Variants in DSG2 observed in about 807,000 individuals in gnomAD.
DSG2 encodes desmoglein 2.
Under a neutral mutation model 75.6 loss-of-function variants are expected in DSG2, and 45 were observed. That is an observed-to-expected ratio of 0.60 (90% CI 0.47 to 0.76). DSG2 has a LOEUF of 0.76. Among genes scored for constraint, DSG2 ranks in the 30% least tolerant of loss-of-function variants. The pLI is 0.00. For missense variants in DSG2, 1,267 were observed against 1,357.4 expected (o/e 0.93, Z 1.05); for synonymous variants, 429 against 483.9 (o/e 0.89, Z 1.49).
intron 14 of DSG2, among the ~76,000 whole-genome samples, chr18:31,545,419 T>C (rs1416407984): frequency 1.3e-5 from 2 of 152,186 alleles, no homozygotes. Flanking sequence ...ACACTATCTT[T>C]TACAGCAATT....
chr18:31,547,331 GTGCACA>G lies in DSG2; in HGVS notation c.*591_*596del, dbSNP rs2073320562. 1 of 188,858 alleles carries G rather than the reference GTGCACA, an allele frequency of 5.3e-6. No homozygotes were observed. The highest frequency in any genetic ancestry group is 1.1e-5 in the Non-Finnish European group (1 of 90,996). The allele number at this position is 188,858 out of a possible 1,614,324, so 11.7% of individuals were successfully genotyped here. The stretch of plus-strand genomic sequence containing the variant: ...ATAAGAATACACATTGTATGTTTCT[GTGCACA>G]TGACAGTGTGTGTGTGTGCACGTAC... On this transcript the variant is annotated 3_prime_UTR_variant, in exon 15 of 15. Coordinates refer to ENST00000261590, the MANE Select transcript of DSG2 (RefSeq NM_001943.5).
chr18:31,531,354 G>A, intron 9 of DSG2, 102 bp downstream of exon 9: 1 of 1,375,642 alleles, frequency 7.3e-7, no homozygotes. Flanking sequence ...TTCAAATCCA[G>A]CATTATAGTT....
chr18:31,546,616 C>T lies in DSG2; in HGVS notation c.3230C>T (p.Ser1077Phe), dbSNP rs962653351. 2 of 1,614,208 alleles carry T rather than the reference C, an allele frequency of 1.2e-6. No individual in the cohort carries two copies. The highest frequency in any genetic ancestry group is 1.7e-6 in the Non-Finnish European group (2 of 1,180,032). The change falls in exon 15 of 15, where the codon TCT becomes TTT. Residue 1077 changes from serine to phenylalanine, a missense_variant. Ser to Phe is a radical substitution (Grantham distance 155). Coordinates refer to ENST00000261590, the MANE Select transcript of DSG2 (RefSeq NM_001943.5). ...ATGACGGCTAGGAACACCACGGTGT[C>T]TGGAGCTGGAGTCCCTGGCCCTCTG... is the stretch of plus-strand genomic sequence containing the variant. ...NSMTARNTTV[S>F]GAGVPGPLPD... is the part of the protein sequence containing the mutation.
chr18:31,518,151 A>G (rs1598809071), intron 1 of DSG2, 88 bp from the exon 2 acceptor site: 1 of 1,065,478 alleles, frequency 9.4e-7, no homozygotes, highest in South Asian at 1.3e-5. Context: ...TGTCTATAAT[A>G]TTCAATGCAG....
At position 31,546,770 on chromosome 18, in the gene DSG2, G is replaced by T. The variant is rs764510173; in HGVS notation, c.*27G>T. The T allele has an allele frequency of 2.5e-6, 4 of 1,607,634 alleles. No homozygotes were observed. Among genetic ancestry groups the T allele is most frequent in the Non-Finnish European group, 3.4e-6 (4 of 1,174,170 alleles). On this transcript the variant is annotated 3_prime_UTR_variant, in exon 15 of 15. Transcript: ENST00000261590. ...CAGCAGTCAGCCACAAACTGACCCA[G>T]AGTTTAATTAGCAGTGACTAATTTC...
At chr18:31,520,085 GCTTA>G (rs1230175978) in intron 3 of DSG2, 148 bp downstream of exon 3, 6 of 1,096,756 alleles carry the variant, frequency 5.5e-6, no homozygotes, top group African/African-American at 3.2e-5. Context: ...AATTAGCAGA[GCTTA>G]CTTTTTAGCA....
At chr18:31,522,782 C>T (rs1319799731) in intron 6 of DSG2, among the ~76,000 whole-genome samples, 2 of 151,816 alleles carry the variant, frequency 1.3e-5, no homozygotes, top group East Asian at 1.9e-4. Flanking sequence ...ACGGCTAGTA[C>T]GTAGGAGGCA....
intron 6 of DSG2, among the ~76,000 whole-genome samples, 176 bp from the exon 7 acceptor site, chr18:31,524,269 GTTC>G (rs2073147323): frequency 6.6e-6 from 1 of 152,190 alleles, no homozygotes; most frequent in African/African-American, 2.4e-5. Context: ...AGGCTTTTCT[GTTC>G]TTCTGCAAAA....
chr18:31,546,266 C>A lies in DSG2; in HGVS notation c.2880C>A (p.Ser960Arg), dbSNP rs374807974. The A allele has an allele frequency of 1.2e-6, 2 of 1,603,382 alleles. No individual in the cohort carries two copies. Among genetic ancestry groups the A allele is most frequent in the East Asian group, 4.5e-5 (2 of 44,786 alleles). The part of the protein sequence containing the change: ...TVILGPSQPQ[S>R]LIVTERVYAP... The stretch of plus-strand genomic sequence containing the variant: ...TCCTGGGTCCTAGCCAGCCACAGAG[C>A]CTTATTGTGACAGAGAGGGTGTATG... The change falls in exon 15 of 15, where the codon AGC becomes AGA. Residue 960 changes from serine (S) to arginine (R), a missense_variant. Physicochemically the swap from Ser to Arg is moderately radical, Grantham distance 110. Transcript: ENST00000261590.
chr18:31,520,744 T>G, intron 3 of DSG2, 59 bp from the exon 4 acceptor site: 2 of 1,569,560 alleles, frequency 1.3e-6, no homozygotes, highest in Non-Finnish European at 1.7e-6. Context: ...TTGGCTAAGA[T>G]CAAATCTAGT....
At chr18:31,513,683 T>A (rs2848681) in intron 1 of DSG2, among the ~76,000 whole-genome samples, 72,959 of 152,000 alleles carry the variant, frequency 0.48, 17,853 homozygotes, top group African/African-American at 0.57. Context: ...TCTGGCAGGA[T>A]CTCCTCCCCG....
chr18:31,528,062 A>G (rs576738667), intron 8 of DSG2, among the ~76,000 whole-genome samples: 15 of 152,364 alleles, frequency 9.8e-5, no homozygotes, highest in Non-Finnish European at 2.1e-4. Context: ...AAAAAGATTG[A>G]CAACACCAAT....
In DSG2 at chr18:31,546,258, CCA is replaced by C. The variant is rs727502990; in HGVS notation, c.2875_2876del (p.Gln959GlufsTer22). ...PTTVILGPSQ[P>X]QSLIVTERVY... ...CACTGTGATCCTGGGTCCTAGCCAG[CCA>C]CAGAGCCTTATTGTGACAGAGAGGG... On this transcript the variant is annotated frameshift_variant, in exon 15 of 15. Transcript: ENST00000261590. LOFTEE classifies it low-confidence loss of function (END_TRUNC). 5.6e-6 allele frequency: 9 copies of C among 1,604,840 alleles called. No individual in the cohort carries two copies. The highest frequency in any genetic ancestry group is 7.7e-6 in the Non-Finnish European group (9 of 1,175,114).
At chr18:31,498,353 G>A in intron 1 of DSG2, 57 bp downstream of exon 1, 8 of 1,246,586 alleles carry the variant, frequency 6.4e-6, no homozygotes, top group Non-Finnish European at 7.1e-6. Context: ...CGGTAGGCGA[G>A]GTCTAGACCT....
chr18:31,518,335 C>A, intron 2 of DSG2, 61 bp downstream of exon 2: 1 of 1,402,404 alleles, frequency 7.1e-7, no homozygotes, highest in Non-Finnish European at 1.0e-6. Flanking sequence ...CCATGGCAAA[C>A]AGGTTGACTG....
intron 12 of DSG2, 121 bp downstream of exon 12, chr18:31,539,099 G>C: frequency 1.1e-6 from 1 of 941,606 alleles, no homozygotes; most frequent in Non-Finnish European, 1.7e-6. Context: ...AGAGCACTTT[G>C]AGGGTGAATA....
rs749897373 is a variant in DSG2 at position 31,542,696 on chromosome 18, T to C, written c.2178T>C (p.Ser726=). The change falls in exon 14 of 15, where the codon TCT becomes TCC. Residue 726 remains serine (S), a synonymous_variant. Coordinates refer to ENST00000261590, the MANE Select transcript of DSG2 (RefSeq NM_001943.5). Reference sequence around the variant, plus strand: ...GGGAAGAACACAGAAGCCTGCTTTCTGGTAGAGCTACCCAGTTTACAGGGG... The same window carrying C: ...GGGAAGAACACAGAAGCCTGCTTTCCGGTAGAGCTACCCAGTTTACAGGGG... The part of the protein sequence containing the change: ...GRWEEHRSLL[S]GRATQFTGAT... 8 of 1,614,060 alleles carry C rather than the reference T, an allele frequency of 5.0e-6. No individual in the cohort carries two copies. In the South Asian group the frequency reaches 8.8e-5, roughly 18 times the overall value.
chr18:31,499,575 T>C (rs1283855339), intron 1 of DSG2, among the ~76,000 whole-genome samples: 1 of 152,182 alleles, frequency 6.6e-6, no homozygotes, highest in Non-Finnish European at 1.5e-5. Context: ...GACAAAACTT[T>C]TCTAAGACGT....
rs763980519 is a variant in DSG2 at position 31,546,495 on chromosome 18, A to G, written c.3109A>G (p.Asn1037Asp). The G allele has an allele frequency of 6.8e-6, 11 of 1,614,080 alleles. No individual in the cohort carries two copies. The South Asian group carries it at 1.2e-4, about 18-fold the overall frequency. The change falls in exon 15 of 15, where the codon AAT becomes GAT. Residue 1037 changes from asparagine (N) to aspartate (D), a missense_variant. Coordinates refer to ENST00000261590, the MANE Select transcript of DSG2 (RefSeq NM_001943.5). ...TGTGCAGCCTACTCTGGCCATGCCTAATATAGCAGTAGGACAGAATGTGAC... is the reference window on the plus strand; with the variant it reads ...TGTGCAGCCTACTCTGGCCATGCCTGATATAGCAGTAGGACAGAATGTGAC... ...SGVQPTLAMP[N>D]IAVGQNVTVT...
Sources: allele counts gnomAD v4.1 joint callset (sites outside exome capture counted in the v4.1 genomes callset), GRCh38; gene constraint gnomAD v4.1.1; transcripts MANE v1.5; gene names NCBI Gene and HGNC (gene_info 2026-07-23, HGNC 2026-07-21).